LRRC8D: variants seen among roughly 807,000 people sequenced by gnomAD.
LRRC8D encodes volume-regulated anion channel subunit LRRC8D.
A neutral mutation model predicts 55.8 loss-of-function variants in LRRC8D; 20 were observed. The observed-to-expected ratio is 0.36, with a 90% CI of 0.25 to 0.52. The LOEUF (loss-of-function observed/expected upper bound fraction) is 0.52, where lower values mean the gene tolerates loss of function less well. LRRC8D is among the 20% of genes least tolerant of loss of function. The pLI is 0.93. For synonymous variants in LRRC8D, 352 were observed against 377.0 expected (o/e 0.93, Z 0.77); for missense variants, 651 against 1,030.8 (o/e 0.63, Z 5.05).
At chr1:89,899,916 C>G (rs1662808694) in intron 2 of LRRC8D, among the ~76,000 whole-genome samples, 1 of 152,196 alleles carries the variant, frequency 6.6e-6, no homozygotes, top group South Asian at 2.1e-4. Context: ...TAAAGTCTTA[C>G]AACTATGTAT....
chr1:89,889,032 C>T (rs1662495004), intron 2 of LRRC8D, among the ~76,000 whole-genome samples: 1 of 151,992 alleles, frequency 6.6e-6, no homozygotes, highest in African/African-American at 2.4e-5. Context: ...TGGTGACTTC[C>T]CTCCAAAGAG....
At chr1:89,900,662 G>A (rs1242383434) in intron 2 of LRRC8D, among the ~76,000 whole-genome samples, 1 of 152,210 alleles carries the variant, frequency 6.6e-6, no homozygotes, top group South Asian at 2.1e-4. Flanking sequence ...AGTCTTTGGA[G>A]CTCAGGAAGT....
chr1:89,852,076 C>G (rs1661432546), intron 2 of LRRC8D, among the ~76,000 whole-genome samples: 1 of 151,772 alleles, frequency 6.6e-6, no homozygotes, highest in Non-Finnish European at 1.5e-5. Context: ...TAGTTAACTG[C>G]TGAGATTTAC....
chr1:89,844,689 A>G (rs1395099519), intron 2 of LRRC8D, among the ~76,000 whole-genome samples: 1 of 152,210 alleles, frequency 6.6e-6, no homozygotes, highest in Non-Finnish European at 1.5e-5. Flanking sequence ...GTTTTATGCT[A>G]CAGACGTTTT....
chr1:89,856,583 C>T (rs75577571), intron 2 of LRRC8D, among the ~76,000 whole-genome samples: 1 of 152,152 alleles, frequency 6.6e-6, no homozygotes, highest in Non-Finnish European at 1.5e-5. Context: ...AACATTTTGT[C>T]TTTCACAGAA....
At chr1:89,882,348 T>C (rs1375739017) in intron 2 of LRRC8D, among the ~76,000 whole-genome samples, 3 of 152,270 alleles carry the variant, frequency 2.0e-5, no homozygotes, top group South Asian at 2.1e-4. Flanking sequence ...TTAGCTTTGC[T>C]GTTTAAGTAC....
intron 2 of LRRC8D, among the ~76,000 whole-genome samples, chr1:89,917,326 C>G (rs1216488778): frequency 6.6e-6 from 1 of 152,150 alleles, no homozygotes. Context: ...TATATCTTCC[C>G]TCACTAATCT....
intron 1 of LRRC8D, among the ~76,000 whole-genome samples, chr1:89,839,774 G>T (rs973904864): frequency 6.6e-6 from 1 of 152,144 alleles, no homozygotes; most frequent in Admixed American, 6.5e-5. Context: ...AGTGCAGAGG[G>T]TCATCTCTTT....
intron 2 of LRRC8D, among the ~76,000 whole-genome samples, chr1:89,877,788 ACT>A (rs1662183267): frequency 1.3e-5 from 2 of 152,162 alleles, no homozygotes; most frequent in East Asian, 1.9e-4. Flanking sequence ...GATAACTGAA[ACT>A]CTTCAAAAAT....
chr1:89,933,578 T>C lies in LRRC8D; in HGVS notation c.510T>C (p.Leu170=). 1 of 1,614,190 alleles carries C rather than the reference T, an allele frequency of 6.2e-7. No individual in the cohort carries two copies. The highest frequency in any genetic ancestry group is 8.5e-7 in the Non-Finnish European group (1 of 1,180,032). Residue 170 remains leucine, a synonymous_variant, in exon 3 of 3, where the codon CTT becomes CTC. Coordinates refer to ENST00000337338, the MANE Select transcript of LRRC8D (RefSeq NM_001134479.2). This position sits in a 1 kb window ranked among gnomAD's most constrained non-coding sequence, Gnocchi z 7.0. ...CTAAGTACTTTCCATACCTAGCTCTTATACATACTATTATTCTCATGGTCA... is the reference window on the plus strand; with the variant it reads ...CTAAGTACTTTCCATACCTAGCTCTCATACATACTATTATTCTCATGGTCA... The part of the protein sequence containing the change: ...WYSKYFPYLA[L]IHTIILMVSS...
intron 2 of LRRC8D, among the ~76,000 whole-genome samples, chr1:89,930,529 C>G (rs1407568158): frequency 2.0e-5 from 3 of 151,876 alleles, no homozygotes; most frequent in Non-Finnish European, 2.9e-5. Flanking sequence ...CCATTGTTGA[C>G]CAAAACACCA....
At chr1:89,852,766 A>C (rs1300542299) in intron 2 of LRRC8D, among the ~76,000 whole-genome samples, 5 of 152,158 alleles carry the variant, frequency 3.3e-5, no homozygotes, top group Non-Finnish European at 5.9e-5. Context: ...GAGATGGAGA[A>C]AGGACAGACT....
chr1:89,823,650 C>CA (rs1309855313), intron 1 of LRRC8D, among the ~76,000 whole-genome samples: 1 of 152,086 alleles, frequency 6.6e-6, no homozygotes, highest in East Asian at 1.9e-4. Flanking sequence ...TAAGAAACAC[C>CA]AGTTAATATT....
intron 2 of LRRC8D, among the ~76,000 whole-genome samples, chr1:89,899,001 G>A (rs1182917435): frequency 6.6e-6 from 1 of 152,182 alleles, no homozygotes; most frequent in Admixed American, 6.5e-5. Flanking sequence ...TCCAAAAGGT[G>A]TTCCAGTTGG....
intron 2 of LRRC8D, among the ~76,000 whole-genome samples, chr1:89,894,431 A>G (rs1662656608): frequency 6.6e-6 from 1 of 152,228 alleles, no homozygotes; most frequent in Non-Finnish European, 1.5e-5. Flanking sequence ...TGGAATGTAT[A>G]GTAGAAATGT....
chr1:89,899,174 G>C lies in LRRC8D; in HGVS notation c.-2-33893G>C, dbSNP rs543439749. ...GTCCACTAAGTTGGTACCTCCGGGGGTGTGGCCTAGCATTACATTAGTTTC... is the reference window on the plus strand; with the variant it reads ...GTCCACTAAGTTGGTACCTCCGGGGCTGTGGCCTAGCATTACATTAGTTTC... On this transcript the variant is annotated intron_variant, in intron 2 of 2. Transcript: ENST00000337338. 3.3e-5 allele frequency among the ~76,000 whole-genome samples: 5 copies of C among 152,318 alleles called. No homozygotes were observed. The East Asian group carries it at 9.6e-4, about 29-fold the overall frequency.
At chr1:89,908,762 A>T (rs1186877138) in intron 2 of LRRC8D, among the ~76,000 whole-genome samples, 1 of 152,144 alleles carries the variant, frequency 6.6e-6, no homozygotes, top group East Asian at 1.9e-4. Flanking sequence ...CAGCATGTGG[A>T]TATGTGGGTC....
In LRRC8D at chr1:89,880,475, C is replaced by T. The variant is rs535978231; in HGVS notation, c.-3+36693C>T. ...GGTTTGATTTTTTTTTTTTTTTGGC[C>T]TACCATTTACTTGCTGAGTGTTCTA... On this transcript the variant is annotated intron_variant, in intron 2 of 2. Transcript: ENST00000337338. 6.0e-5 allele frequency among the ~76,000 whole-genome samples: 9 copies of T among 148,768 alleles called. No individual in the cohort carries two copies. The South Asian group carries it at 1.7e-3, about 28-fold the overall frequency.
intron 2 of LRRC8D, among the ~76,000 whole-genome samples, chr1:89,915,016 CTGTGTGTGTGTG>C (rs56870719): frequency 6.9e-6 from 1 of 144,756 alleles, no homozygotes; most frequent in Non-Finnish European, 1.5e-5. Context: ...TCTTGCTCTA[CTGTGTGTGTGTG>C]TGTGTGTGTG....
Sources: gnomAD v4.1 joint callset for allele counts (sites outside exome capture counted in the v4.1 genomes callset) on GRCh38, gnomAD v4.1.1 for gene constraint, Gnocchi (gnomAD v3.1) non-coding constraint, MANE v1.5 for transcripts, NCBI Gene and HGNC (gene_info 2026-07-23, HGNC 2026-07-21) for gene names.